The following DPYSL2 variants were observed in gnomAD, a reference collection of about 807,000 sequenced individuals.
The protein encoded by DPYSL2 is dihydropyrimidinase like 2.
DPYSL2 carries 13 observed loss-of-function variants against 69.9 expected under a neutral mutation model. That is an observed-to-expected ratio of 0.19 (90% CI 0.12 to 0.30). The LOEUF is 0.30. Ranked by LOEUF, DPYSL2 falls within the 10% of genes least tolerant of loss-of-function variation. The pLI is 1.00. For missense variants in DPYSL2, 587 were observed against 918.9 expected (o/e 0.64, Z 4.67); for synonymous variants, 326 against 359.1 (o/e 0.91, Z 1.04).
At position 26,643,593 on chromosome 8, in the gene DPYSL2, C is replaced by G. The variant is rs1287401735; in HGVS notation, c.1281C>G (p.Ser427=). ...TTPDFLNSLL[S]CGDLQVTGSA... ...CAGACTTTCTCAACTCCTTGCTGTCCTGGTGAGTCCTGGCGACTTGTTCAC... is the reference window on the plus strand; with the variant it reads ...CAGACTTTCTCAACTCCTTGCTGTCGTGGTGAGTCCTGGCGACTTGTTCAC... Residue 427 remains serine, a splice_region_variant and synonymous_variant, in exon 9 of 14, where the codon TCC becomes TCG. Transcript: ENST00000521913. The surrounding 1 kb of genome is among the most constrained non-coding windows in gnomAD (Gnocchi z 6.5). 1 of 1,614,194 alleles carries G rather than the reference C, an allele frequency of 6.2e-7. No individual in the cohort carries two copies. The highest frequency in any genetic ancestry group is 1.3e-5 in the African/African-American group (1 of 75,048).
rs374495456 is a variant in DPYSL2 at position 26,588,793 on chromosome 8, C to T, written c.628+4810C>T. Among the ~76,000 whole-genome samples, 33 of 152,318 alleles carry T rather than the reference C, an allele frequency of 2.2e-4. 1 individual carries two copies. The highest frequency in any genetic ancestry group is 5.9e-4 in the Admixed American group (9 of 15,304). On this transcript the variant is annotated intron_variant, in intron 3 of 13. Transcript: ENST00000521913. The surrounding 1 kb of genome is among the most constrained non-coding windows in gnomAD (Gnocchi z 5.4). ...CCCTGTCTGCTCCTTGCTGCTTTTC[C>T]GGTGCCCAGTCCTGGAGAGGGCTCG...
Position 26,587,522 on chromosome 8 carries a change from G to A in DPYSL2, c.628+3539G>A, listed in dbSNP as rs137892733. On this transcript the variant is annotated intron_variant, in intron 3 of 13. Transcript: ENST00000521913. This position sits in a 1 kb window ranked among gnomAD's most constrained non-coding sequence, Gnocchi z 4.2. Reference sequence around the variant, plus strand: ...ACTCCTTTCTGTCTGAAATGGCGCCGCATGTAGAGGAAAACACAGCCAAAT... The same window carrying A: ...ACTCCTTTCTGTCTGAAATGGCGCCACATGTAGAGGAAAACACAGCCAAAT... Among the ~76,000 whole-genome samples, 2 of 152,156 alleles carry A rather than the reference G, an allele frequency of 1.3e-5. No individual in the cohort carries two copies. Among genetic ancestry groups the A allele is most frequent in the Non-Finnish European group, 2.9e-5 (2 of 68,038 alleles).
Position 26,583,912 on chromosome 8 carries a change from A to G in DPYSL2, c.557A>G (p.Gln186Arg), listed in dbSNP as rs1314297736. ...CACACTCGTTTCCAGATGCCTGATC[A>G]GGGAATGACGTCTGCTGATGATTTC... ...DVHTRFQMPD[Q>R]GMTSADDFFQ... The change falls in exon 3 of 14, where the codon CAG becomes CGG. Residue 186 changes from glutamine to arginine, a missense_variant. Gln to Arg is a conservative substitution (Grantham distance 43). Transcript: ENST00000521913. 2 of 1,614,190 alleles carry G rather than the reference A, an allele frequency of 1.2e-6. No individual in the cohort carries two copies. Among genetic ancestry groups the G allele is most frequent in the Middle Eastern group, 1.6e-4 (1 of 6,062 alleles).
In DPYSL2 at chr8:26,605,590, A is replaced by G. The variant is rs1269290400; in HGVS notation, c.629-18553A>G. ...TTAGATGGTTTACTTTAGCCATTCA[A>G]AGGAATTAAATGAAGAAATATTTGA... On this transcript the variant is annotated intron_variant, in intron 3 of 13. Coordinates refer to ENST00000521913, the MANE Select transcript of DPYSL2 (RefSeq NM_001197293.3). This position sits in a 1 kb window ranked among gnomAD's most constrained non-coding sequence, Gnocchi z 4.1. Among the ~76,000 whole-genome samples the G allele has an allele frequency of 6.6e-6, 1 of 152,216 alleles. No homozygotes were observed. Among genetic ancestry groups the G allele is most frequent in the African/African-American group, 2.4e-5 (1 of 41,462 alleles).
chr8:26,545,499 G>A (rs1348673812), intron 1 of DPYSL2, among the ~76,000 whole-genome samples: 1 of 152,214 alleles, frequency 6.6e-6, no homozygotes, highest in Non-Finnish European at 1.5e-5. Context: ...ACTTTGGGAA[G>A]CAGGTGGGCA....
chr8:26,584,925 T>G (rs1801566649), intron 3 of DPYSL2, among the ~76,000 whole-genome samples: 1 of 152,176 alleles, frequency 6.6e-6, no homozygotes, highest in Non-Finnish European at 1.5e-5. Flanking sequence ...GGCCGCTTTG[T>G]GCTTTTTGTT....
intron 1 of DPYSL2, among the ~76,000 whole-genome samples, chr8:26,521,200 A>G (rs1808377963): frequency 6.6e-6 from 1 of 152,216 alleles, no homozygotes; most frequent in Non-Finnish European, 1.5e-5. Flanking sequence ...CTGCACACAA[A>G]TACTGTCTTA....
At chr8:26,655,470 T>G in intron 13 of DPYSL2, 145 bp from the exon 14 acceptor site, 1 of 632,654 alleles carries the variant, frequency 1.6e-6, no homozygotes, top group Non-Finnish European at 2.5e-6. Flanking sequence ...CACTTTGGTC[T>G]GGAAAACAGA....
chr8:26,607,448 A>C (rs1353927617), intron 3 of DPYSL2, among the ~76,000 whole-genome samples: 1 of 147,894 alleles, frequency 6.8e-6, no homozygotes, highest in African/African-American at 2.5e-5. Context: ...GCGCCACTGC[A>C]CTGTAGCCTG....
At chr8:26,563,149 G>A (rs1339325182) in intron 1 of DPYSL2, among the ~76,000 whole-genome samples, 1 of 152,120 alleles carries the variant, frequency 6.6e-6, no homozygotes, top group Non-Finnish European at 1.5e-5. Flanking sequence ...CCTTTCATTA[G>A]GAGGATGCCA....
intron 1 of DPYSL2, among the ~76,000 whole-genome samples, chr8:26,568,214 G>A (rs1025388405): frequency 9.9e-5 from 15 of 152,158 alleles, no homozygotes; most frequent in Non-Finnish European, 1.5e-4. Flanking sequence ...GAGACCAGTC[G>A]TTGGGTTGAT....
At chr8:26,530,600 C>T (rs1203178831) in intron 1 of DPYSL2, among the ~76,000 whole-genome samples, 2 of 152,176 alleles carry the variant, frequency 1.3e-5, no homozygotes, top group Non-Finnish European at 2.9e-5. Flanking sequence ...TTAACATGAT[C>T]ACCAGTCATT....
rs541499070 is a variant in DPYSL2 at position 26,640,016 on chromosome 8, G to C, written c.1127-3423G>C. 6.6e-6 allele frequency among the ~76,000 whole-genome samples: 1 copy of C among 152,234 alleles called. No individual in the cohort carries two copies. The highest frequency in any genetic ancestry group is 2.1e-4 in the South Asian group (1 of 4,834). On this transcript the variant is annotated intron_variant, in intron 8 of 13. Coordinates refer to ENST00000521913, the MANE Select transcript of DPYSL2 (RefSeq NM_001197293.3). The surrounding 1 kb of genome is among the most constrained non-coding windows in gnomAD (Gnocchi z 4.2). ...AATTCTTGGAAAGGCAAAGGAGAATGGTGAGAGCGTGTGTAACTGTCTGTC... is the reference window on the plus strand; with the variant it reads ...AATTCTTGGAAAGGCAAAGGAGAATCGTGAGAGCGTGTGTAACTGTCTGTC...
Position 26,642,641 on chromosome 8 carries a change from G to A in DPYSL2, c.1127-798G>A, listed in dbSNP as rs1339207724. Among the ~76,000 whole-genome samples the A allele has an allele frequency of 1.3e-5, 2 of 152,174 alleles. No individual in the cohort carries two copies. Among genetic ancestry groups the A allele is most frequent in the Non-Finnish European group, 2.9e-5 (2 of 68,032 alleles). On this transcript the variant is annotated intron_variant, in intron 8 of 13. Transcript: ENST00000521913. The surrounding 1 kb of genome is among the most constrained non-coding windows in gnomAD (Gnocchi z 5.3). Reference sequence around the variant, plus strand: ...TTGTATTGAAGGCACTAAGGTATTGGCATTCAGCGAATGTACATGAGTCTC... The same window carrying A: ...TTGTATTGAAGGCACTAAGGTATTGACATTCAGCGAATGTACATGAGTCTC...
chr8:26,579,944 T>C (rs1371467428), intron 1 of DPYSL2, among the ~76,000 whole-genome samples: 3 of 60,502 alleles, frequency 5.0e-5, no homozygotes, highest in East Asian at 1.9e-3. Context: ...TTTTTTTTTT[T>C]TTAAAGAGCG....
Position 26,627,438 on chromosome 8 carries a change from C to G in DPYSL2, c.936+143C>G. Reference sequence around the variant, plus strand: ...TTCCCTTGCTGGAGCTCTGCTCAGTCTCACCCATGGCATGAATGCCAGTGA... The same window carrying G: ...TTCCCTTGCTGGAGCTCTGCTCAGTGTCACCCATGGCATGAATGCCAGTGA... On this transcript the variant is annotated intron_variant, in intron 6 of 13. Transcript: ENST00000521913. This position sits in a 1 kb window ranked among gnomAD's most constrained non-coding sequence, Gnocchi z 6.9. The G allele has an allele frequency of 1.2e-6, 1 of 830,266 alleles. No individual in the cohort carries two copies. Among genetic ancestry groups the G allele is most frequent in the Non-Finnish European group, 2.0e-6 (1 of 512,540 alleles). 51.4% of individuals were successfully genotyped at this position (830,266 alleles called of 1,614,324 possible). A position where few individuals can be genotyped will look rare whatever the true frequency, so the allele number is the denominator to read the frequency against.
At chr8:26,651,433 T>G (rs1803277450) in intron 11 of DPYSL2, among the ~76,000 whole-genome samples, 1 of 152,206 alleles carries the variant, frequency 6.6e-6, no homozygotes, top group Non-Finnish European at 1.5e-5. Flanking sequence ...AGCAACCTAT[T>G]AATCCTCTAG....
rs1803295115 is a variant in DPYSL2, at chr8:26,652,349, C to G, written c.1689C>G (p.Thr563=). The G allele has an allele frequency of 6.2e-7, 1 of 1,614,054 alleles. No individual in the cohort carries two copies. The highest frequency in any genetic ancestry group is 1.3e-5 in the African/African-American group (1 of 74,928). ...GGAAGATTGTCCTGGAGGACGGCAC[C>G]CTGCATGTCACCGAAGGCTCTGGAC... ...SQGKIVLEDG[T]LHVTEGSGRY... Residue 563 remains threonine, a synonymous_variant, in exon 12 of 14, where the codon ACC becomes ACG. Coordinates refer to ENST00000521913, the MANE Select transcript of DPYSL2 (RefSeq NM_001197293.3). This position sits in a 1 kb window ranked among gnomAD's most constrained non-coding sequence, Gnocchi z 6.3.
rs1585574509 is a variant in DPYSL2, at chr8:26,650,435, A to G, written c.1597-1822A>G. On this transcript the variant is annotated intron_variant, in intron 11 of 13. Transcript: ENST00000521913. This position sits in a 1 kb window ranked among gnomAD's most constrained non-coding sequence, Gnocchi z 5.3. The stretch of plus-strand genomic sequence containing the variant: ...TTAAAGGATGACTCACACCCTTTCA[A>G]AGGTTGTTTCTGAGATGACCAGGGA... Among the ~76,000 whole-genome samples, 1 of 152,184 alleles carries G rather than the reference A, an allele frequency of 6.6e-6. No homozygotes were observed. Among genetic ancestry groups the G allele is most frequent in the East Asian group, 1.9e-4 (1 of 5,180 alleles).
Sources: allele counts gnomAD v4.1 joint callset (sites outside exome capture counted in the v4.1 genomes callset), GRCh38; gene constraint gnomAD v4.1.1; non-coding constraint Gnocchi (gnomAD v3.1); transcripts MANE v1.5; gene names NCBI Gene and HGNC (gene_info 2026-07-23, HGNC 2026-07-21).